ADGRG1: variants seen among roughly 807,000 people sequenced by gnomAD.
ADGRG1 encodes 7-transmembrane protein with no EGF-like N-terminal domains-1.
Under a neutral mutation model 73.5 loss-of-function variants are expected in ADGRG1, and 53 were observed. The ratio of observed to expected loss-of-function variants is 0.72; its 90% CI spans 0.58 to 0.91. ADGRG1 has a LOEUF of 0.91. Among genes scored for constraint, ADGRG1 ranks in the 40% least tolerant of loss-of-function variants. The probability of loss-of-function intolerance (pLI) is 0.00; values close to 1 mark genes in which losing one functional copy is unlikely to be tolerated. For synonymous variants in ADGRG1, 394 were observed against 374.4 expected (o/e 1.05, Z -0.60); for missense variants, 795 against 871.8 (o/e 0.91, Z 1.11).
chr16:57,634,595 C>A, intron 1 of ADGRG1: 1 of 466,638 alleles, frequency 2.1e-6, no homozygotes, highest in Non-Finnish European at 2.8e-6. Context: ...TAGCAGAGCC[C>A]GAACCCAGTC....
intron 11 of ADGRG1, among the ~76,000 whole-genome samples, chr16:57,660,001 A>T (rs2046689490): frequency 6.6e-6 from 1 of 152,222 alleles, no homozygotes; most frequent in Non-Finnish European, 1.5e-5. Context: ...AGAGGGGCTG[A>T]AATCCAGTCC....
In ADGRG1 at chr16:57,650,894, G is replaced by A. The variant is rs372424364; in HGVS notation, c.65-306G>A. 19 of 182,102 alleles carry A rather than the reference G, an allele frequency of 1.0e-4. No individual in the cohort carries two copies. In the East Asian group the frequency reaches 2.6e-3, roughly 25 times the overall value. 11.3% of individuals were successfully genotyped at this position (182,102 alleles called of 1,614,324 possible). A position where few individuals can be genotyped will look rare whatever the true frequency, so the allele number is the denominator to read the frequency against. On this transcript the variant is annotated intron_variant, in intron 2 of 13. Transcript: ENST00000562631. ...CGGCTAATTTTTTGTATTTTTAGTA[G>A]AGACGGGGTTTCACCGTTTTAGCCG...
intron 1 of ADGRG1, chr16:57,635,946 G>T: frequency 1.0e-6 from 1 of 985,392 alleles, no homozygotes; most frequent in Non-Finnish European, 1.2e-6. Flanking sequence ...GCACTTGTAC[G>T]TGGCTCCCTG....
At position 57,664,661 on chromosome 16, in the gene ADGRG1, G is replaced by A. The variant is rs879572957; in HGVS notation, c.*1079G>A. 6.6e-6 allele frequency: 1 copy of A among 152,618 alleles called. No homozygotes were observed. Among genetic ancestry groups the A allele is most frequent in the East Asian group, 1.9e-4 (1 of 5,200 alleles). 9.5% of individuals were successfully genotyped at this position (152,618 alleles called of 1,614,324 possible). A position where few individuals can be genotyped will look rare whatever the true frequency, so the allele number is the denominator to read the frequency against. On this transcript the variant is annotated 3_prime_UTR_variant, in exon 14 of 14. Transcript: ENST00000562631. The stretch of plus-strand genomic sequence containing the variant: ...CAGGCGCCCTCGGCCGCCCATCATG[G>A]TTAATTCTGTCCAACAAACACACAC...
rs1188082513 is a variant in ADGRG1, at chr16:57,631,363, T to C, written c.-36+2561T>C. 6 of 985,416 alleles carry C rather than the reference T, an allele frequency of 6.1e-6. No individual in the cohort carries two copies. The East Asian group carries it at 5.7e-4, about 94-fold the overall frequency. 61.0% of individuals were successfully genotyped at this position (985,416 alleles called of 1,614,324 possible). A position where few individuals can be genotyped will look rare whatever the true frequency, so the allele number is the denominator to read the frequency against. ...GTTCCGCCATCCTGTGCAGAAGCTG[T>C]GTGCAGGTGGGGTCTGGGGGGCTGT... On this transcript the variant is annotated intron_variant, in intron 1 of 13. Transcript: ENST00000562631.
chr16:57,639,209 C>T (rs1291533968), intron 1 of ADGRG1: 7 of 964,018 alleles, frequency 7.3e-6, no homozygotes, highest in Non-Finnish European at 8.6e-6. Flanking sequence ...GCAGGTGTCC[C>T]CGGGGCTCCC....
rs527297972 is a variant in ADGRG1, at chr16:57,629,865, C to T, written c.-36+1063C>T. 6.5e-5 allele frequency: 15 copies of T among 230,306 alleles called. 1 individual carries two copies. In the East Asian group the frequency reaches 7.2e-4, roughly 11 times the overall value. The allele number at this position is 230,306 out of a possible 1,614,324, so 14.3% of individuals were successfully genotyped here. ...CCCCGTCCCCAACCCACCTCCCCTG[C>T]GTGGTAGAGTTGGGGTCTCCCTGTG... is the stretch of plus-strand genomic sequence containing the variant. On this transcript the variant is annotated intron_variant, in intron 1 of 13. Transcript: ENST00000562631.
chr16:57,646,861 G>A (rs2148035454), intron 1 of ADGRG1: 2 of 888,100 alleles, frequency 2.3e-6, no homozygotes, highest in Non-Finnish European at 1.3e-6. Flanking sequence ...TCATTGCGGG[G>A]GTGTTGCTAG....
intron 1 of ADGRG1, chr16:57,634,385 C>T: frequency 1.0e-6 from 1 of 985,424 alleles, no homozygotes; most frequent in Non-Finnish European, 1.2e-6. Flanking sequence ...CCCACTGCTC[C>T]TCTGCTGTGT....
chr16:57,648,815 C>A, intron 1 of ADGRG1: 1 of 551,024 alleles, frequency 1.8e-6, no homozygotes, highest in Non-Finnish European at 2.3e-6. Context: ...GAGGGCCAAG[C>A]CTTCTGGCAA....
At chr16:57,650,113 G>A (rs1027395394) in intron 1 of ADGRG1, 140 bp from the exon 2 acceptor site, 25 of 1,498,706 alleles carry the variant, frequency 1.7e-5, no homozygotes, top group Non-Finnish European at 2.2e-5. Flanking sequence ...TGGCCGCTCT[G>A]GGGAGGTCCA....
chr16:57,645,714 C>T (rs1205095511), intron 1 of ADGRG1, among the ~76,000 whole-genome samples: 1 of 152,236 alleles, frequency 6.6e-6, no homozygotes, highest in Non-Finnish European at 1.5e-5. Context: ...CCATCAGACC[C>T]TCTTTGGGCC....
intron 1 of ADGRG1, chr16:57,646,830 T>A (rs1244786804): frequency 3.7e-6 from 3 of 817,406 alleles, no homozygotes; most frequent in Non-Finnish European, 4.4e-6. Flanking sequence ...TGTGATAACG[T>A]GGATGTCACC....
At chr16:57,623,268 A>C, upstream of ADGRG1, 2 of 983,124 alleles carry the variant, frequency 2.0e-6, no homozygotes, top group Non-Finnish European at 2.4e-6. Context: ...CCAGTGCTGC[A>C]GCCAGGTGTG....
chr16:57,663,286 C>T (rs574212701), intron 13 of ADGRG1, 166 bp from the exon 14 acceptor site: 147 of 981,066 alleles, frequency 1.5e-4, no homozygotes, highest in East Asian at 6.8e-4. Flanking sequence ...GCACAGTGCC[C>T]GGCTCATAGG....
At chr16:57,628,535 CG>C, upstream of ADGRG1, 1 of 985,512 alleles carries the variant, frequency 1.0e-6, no homozygotes, top group Non-Finnish European at 1.2e-6. Flanking sequence ...ATATATCGTC[CG>C]TCATCCCCAG....
chr16:57,655,121 C>T, intron 5 of ADGRG1: 1 of 985,302 alleles, frequency 1.0e-6, no homozygotes, highest in Non-Finnish European at 1.2e-6. Context: ...GTAGGCAGAG[C>T]TGGCATCTGA....
Position 57,654,035 on chromosome 16 carries a change from G to A in ADGRG1, c.670G>A (p.Asp224Asn), listed in dbSNP as rs2044824504. The A allele has an allele frequency of 1.9e-6, 3 of 1,614,116 alleles. No homozygotes were observed. The highest frequency in any genetic ancestry group is 1.7e-6 in the Non-Finnish European group (2 of 1,180,026). Residue 224 changes from aspartate (D) to asparagine (N), a missense_variant, in exon 5 of 14, where the codon GAC (aspartate) becomes AAC (asparagine). Physicochemically the swap from Asp to Asn is conservative, Grantham distance 23. Coordinates refer to ENST00000562631, the MANE Select transcript of ADGRG1 (RefSeq NM_201525.4). Reference sequence around the variant, plus strand: ...ACTGACCTCTGTGAGATTCATGGGGGACATGGTGTCCTTCGAGGAGGACCG... The same window carrying A: ...ACTGACCTCTGTGAGATTCATGGGGAACATGGTGTCCTTCGAGGAGGACCG... Reference protein sequence around the residue: ...SKLTSVRFMGDMVSFEEDRIN... With the variant: ...SKLTSVRFMGNMVSFEEDRIN...
chr16:57,635,919 T>G, intron 1 of ADGRG1: 1 of 985,346 alleles, frequency 1.0e-6, no homozygotes, highest in Non-Finnish European at 1.2e-6. Flanking sequence ...GGAGGCCAAG[T>G]GCATATCCTA....
Sources: allele counts gnomAD v4.1 joint callset (sites outside exome capture counted in the v4.1 genomes callset), GRCh38; gene constraint gnomAD v4.1.1; transcripts MANE v1.5; gene names NCBI Gene and HGNC (gene_info 2026-07-23, HGNC 2026-07-21).